The following NEGR1 variants were observed in gnomAD, a reference collection of about 807,000 sequenced individuals.
The protein encoded by NEGR1 is IgLON family member 4.
In NEGR1, 10 loss-of-function variants were observed where a neutral mutation model predicts 40.9. The ratio of observed to expected loss-of-function variants is 0.24; its 90% CI spans 0.15 to 0.42. NEGR1 has a LOEUF of 0.42. Ranked by LOEUF, NEGR1 falls within the 10% of genes least tolerant of loss-of-function variation. The pLI is 1.00. For synonymous variants in NEGR1, 185 were observed against 166.8 expected (o/e 1.11, Z -0.84); for missense variants, 352 against 438.9 (o/e 0.80, Z 1.77).
chr1:71,929,279 T>C (rs996126243), intron 2 of NEGR1, among the ~76,000 whole-genome samples: 2 of 152,178 alleles, frequency 1.3e-5, no homozygotes, highest in African/African-American at 4.8e-5. Context: ...TTTGTAAGTA[T>C]GAAGGTGCAT....
chr1:72,089,052 T>A (rs2100541087), intron 1 of NEGR1, among the ~76,000 whole-genome samples: 1 of 152,144 alleles, frequency 6.6e-6, no homozygotes, highest in East Asian at 1.9e-4. Flanking sequence ...CTTTGATCAA[T>A]CCCGTAGTAA....
intron 6 of NEGR1, among the ~76,000 whole-genome samples, chr1:71,429,355 G>C (rs909237006): frequency 3.3e-5 from 5 of 152,230 alleles, no homozygotes; most frequent in East Asian, 1.9e-4. Context: ...AAAAAAGTCC[G>C]AAAGGTTAAG....
At chr1:71,647,194 C>G (rs993964324) in intron 4 of NEGR1, among the ~76,000 whole-genome samples, 2 of 151,796 alleles carry the variant, frequency 1.3e-5, no homozygotes, top group South Asian at 4.1e-4. Context: ...CTGAGCCTAA[C>G]CCACAGGAAA....
chr1:72,149,552 C>T (rs1376774510), intron 1 of NEGR1, among the ~76,000 whole-genome samples: 3 of 152,038 alleles, frequency 2.0e-5, no homozygotes, highest in African/African-American at 4.8e-5. Flanking sequence ...CCATGAAGCA[C>T]AATCAATTAA....
At chr1:72,162,067 T>C (rs554954200) in intron 1 of NEGR1, among the ~76,000 whole-genome samples, 43 of 152,260 alleles carry the variant, frequency 2.8e-4, no homozygotes, top group African/African-American at 8.9e-4. Context: ...TTAGAAGTTA[T>C]GGAAAAGGTA....
At chr1:72,250,666 A>C (rs1655057163) in intron 1 of NEGR1, among the ~76,000 whole-genome samples, 1 of 152,222 alleles carries the variant, frequency 6.6e-6, no homozygotes, top group African/African-American at 2.4e-5. Context: ...GGCTTTAATA[A>C]GAAAATGATA....
At chr1:71,853,258 C>T (rs1292214190) in intron 2 of NEGR1, among the ~76,000 whole-genome samples, 2 of 151,978 alleles carry the variant, frequency 1.3e-5, no homozygotes, top group Non-Finnish European at 2.9e-5. Context: ...TTTACAGATG[C>T]TACTCATAAT....
intron 6 of NEGR1, among the ~76,000 whole-genome samples, chr1:71,485,558 C>G (rs1646882379): frequency 6.6e-6 from 1 of 151,532 alleles, no homozygotes; most frequent in African/African-American, 2.4e-5. Flanking sequence ...ACAGTATTTT[C>G]ATTGTCCCCA....
intron 1 of NEGR1, among the ~76,000 whole-genome samples, chr1:72,143,246 T>C (rs1414954406): frequency 2.0e-5 from 3 of 152,088 alleles, no homozygotes. Flanking sequence ...AAGAAGAACT[T>C]TGTTTATATA....
intron 1 of NEGR1, among the ~76,000 whole-genome samples, chr1:72,117,816 C>T (rs1034061600): frequency 1.3e-5 from 2 of 151,804 alleles, no homozygotes; most frequent in Non-Finnish European, 2.9e-5. Flanking sequence ...TGTTCACTTG[C>T]CTCAAGGTAT....
intron 1 of NEGR1, chr1:72,275,259 C>A: frequency 1.8e-6 from 1 of 550,828 alleles, no homozygotes; most frequent in Non-Finnish European, 3.2e-6. Flanking sequence ...AAAGTTATAC[C>A]ACATTTTTTT....
chr1:72,025,260 C>A (rs945699547), intron 1 of NEGR1, among the ~76,000 whole-genome samples: 1 of 151,986 alleles, frequency 6.6e-6, no homozygotes, highest in Admixed American at 6.6e-5. Flanking sequence ...ATAATATTTC[C>A]GAGAAAAGGC....
intron 1 of NEGR1, among the ~76,000 whole-genome samples, chr1:72,260,166 T>C (rs949046512): frequency 6.6e-6 from 1 of 152,044 alleles, no homozygotes; most frequent in Non-Finnish European, 1.5e-5. Context: ...TTGCCTAAAG[T>C]CACATTAGAA....
chr1:71,884,838 C>G (rs1660681237), intron 2 of NEGR1, among the ~76,000 whole-genome samples: 1 of 152,166 alleles, frequency 6.6e-6, no homozygotes, highest in African/African-American at 2.4e-5. Context: ...TGGACAAAGG[C>G]TGTACTTGTT....
chr1:71,804,797 T>G (rs1202741234), intron 2 of NEGR1, among the ~76,000 whole-genome samples: 1 of 152,172 alleles, frequency 6.6e-6, no homozygotes, highest in Non-Finnish European at 1.5e-5. Flanking sequence ...TTGAACAATA[T>G]GAAATCTGGG....
At chr1:71,903,992 C>A (rs1022608453) in intron 2 of NEGR1, among the ~76,000 whole-genome samples, 6 of 151,982 alleles carry the variant, frequency 3.9e-5, no homozygotes, top group Non-Finnish European at 7.4e-5. Context: ...TTATTACTTT[C>A]TTTCCCCTAT....
intron 1 of NEGR1, among the ~76,000 whole-genome samples, chr1:72,095,497 T>C (rs527326485): frequency 2.6e-5 from 4 of 152,198 alleles, no homozygotes; most frequent in Non-Finnish European, 4.4e-5. Context: ...ATGCCTTATA[T>C]TAATTATGAA....
At chr1:71,833,046 A>G (rs1457073551) in intron 2 of NEGR1, among the ~76,000 whole-genome samples, 1 of 152,060 alleles carries the variant, frequency 6.6e-6, no homozygotes, top group Non-Finnish European at 1.5e-5. Context: ...ATAGATCCAT[A>G]AATCTAAAGT....
intron 1 of NEGR1, among the ~76,000 whole-genome samples, chr1:72,089,281 T>C (rs1037965004): frequency 6.6e-6 from 1 of 152,162 alleles, no homozygotes; most frequent in Non-Finnish European, 1.5e-5. Context: ...CACCTCTCTC[T>C]GATCTCCATC....
Sources: allele counts gnomAD v4.1 joint callset (sites outside exome capture counted in the v4.1 genomes callset), GRCh38; gene constraint gnomAD v4.1.1; transcripts MANE v1.5; gene names NCBI Gene and HGNC (gene_info 2026-07-23, HGNC 2026-07-21).